Variants in DOCK1 observed in about 807,000 individuals in gnomAD.
The protein encoded by DOCK1 is dedicator of cytokinesis protein 1.
DOCK1 carries 138 observed loss-of-function variants against 262.7 expected under a neutral mutation model. The ratio of observed to expected loss-of-function variants is 0.53; its 90% CI spans 0.46 to 0.61. DOCK1 has a LOEUF of 0.61. DOCK1 is among the 20% of genes least tolerant of loss of function. DOCK1 has a pLI of 0.00. For missense variants in DOCK1, 1,908 were observed against 2,370.7 expected, an observed-to-expected ratio of 0.80 and a Z score of 4.05; for synonymous variants, 866 against 867.4, an observed-to-expected ratio of 1.00 and a Z score of 0.03.
intron 24 of DOCK1, 76 bp from the exon 25 acceptor site, chr10:127,110,172 T>TA: frequency 8.2e-7 from 1 of 1,212,530 alleles, no homozygotes; most frequent in Non-Finnish European, 1.2e-6. Flanking sequence ...TGATGACCTA[T>TA]ATCTCAGTAT....
chr10:127,277,678 G>A (rs1205867693), intron 29 of DOCK1, among the ~76,000 whole-genome samples: 5 of 152,254 alleles, frequency 3.3e-5, no homozygotes, highest in East Asian at 1.9e-4. Flanking sequence ...CAGGAGAATC[G>A]CTTGAACCTG....
At chr10:127,101,977 A>G (rs1432329476) in intron 23 of DOCK1, among the ~76,000 whole-genome samples, 4 of 152,162 alleles carry the variant, frequency 2.6e-5, no homozygotes, top group African/African-American at 9.7e-5. Flanking sequence ...GAAGCAGAAC[A>G]TTTGAAATCA....
chr10:127,023,854 C>A (rs182347066), intron 14 of DOCK1, among the ~76,000 whole-genome samples: 1 of 152,076 alleles, frequency 6.6e-6, no homozygotes, highest in East Asian at 1.9e-4. Context: ...ACCATTGTTA[C>A]GATTTGAGAG....
At chr10:126,947,292 T>A (rs896968988) in intron 1 of DOCK1, among the ~76,000 whole-genome samples, 1 of 145,482 alleles carries the variant, frequency 6.9e-6, no homozygotes, top group Non-Finnish European at 1.5e-5. Context: ...TGGTGGTGGT[T>A]GGTAGTATTA....
At chr10:127,341,291 G>A (rs979992540) in intron 30 of DOCK1, among the ~76,000 whole-genome samples, 4 of 152,148 alleles carry the variant, frequency 2.6e-5, no homozygotes, top group Non-Finnish European at 4.4e-5. Flanking sequence ...TTATCCTAGA[G>A]GCTTAATCCT....
At chr10:127,373,673 A>C in intron 33 of DOCK1, 108 bp from the exon 34 acceptor site, 1 of 982,478 alleles carries the variant, frequency 1.0e-6, no homozygotes, top group South Asian at 1.5e-5. Context: ...GGCAGAGGGT[A>C]GCCATCTATG....
In DOCK1 at chr10:127,438,898, C is replaced by T. The variant is rs2069877435; in HGVS notation, c.5061-129C>T. 9.8e-6 allele frequency: 9 copies of T among 916,308 alleles called. 1 individual carries two copies. In the South Asian group the frequency reaches 1.3e-4, roughly 13 times the overall value. 56.8% of individuals were successfully genotyped at this position (916,308 alleles called of 1,614,324 possible). ...CTGGTGACTGTGTATCTGAAGTCAC[C>T]CTTGGCCTCCCTTTTAAATCACTGC... On this transcript the variant is annotated intron_variant, in intron 48 of 51. Coordinates refer to ENST00000623213, the MANE Select transcript of DOCK1 (RefSeq NM_001290223.2).
At chr10:127,298,432 CT>C (rs1390962751) in intron 29 of DOCK1, among the ~76,000 whole-genome samples, 2 of 152,196 alleles carry the variant, frequency 1.3e-5, no homozygotes, top group Non-Finnish European at 2.9e-5. Flanking sequence ...TAAATTACTG[CT>C]CCTGGTTCAG....
At chr10:127,364,367 AT>A (rs536364998) in intron 33 of DOCK1, among the ~76,000 whole-genome samples, 2 of 150,382 alleles carry the variant, frequency 1.3e-5, no homozygotes, top group African/African-American at 4.9e-5. Context: ...CAGTTTTTTA[AT>A]TTTTTTTTTA....
intron 13 of DOCK1, among the ~76,000 whole-genome samples, chr10:127,020,702 T>C (rs1419529799): frequency 6.6e-6 from 1 of 152,208 alleles, no homozygotes; most frequent in Non-Finnish European, 1.5e-5. Flanking sequence ...GAAGTGATTC[T>C]AGCTTGGGTG....
intron 1 of DOCK1, among the ~76,000 whole-genome samples, chr10:126,911,680 A>G (rs4408241): frequency 0.25 from 37,643 of 152,014 alleles, 5,332 homozygotes; most frequent in East Asian, 0.52. Context: ...AACCTCTTCC[A>G]GCCTGGTTTC....
intron 27 of DOCK1, among the ~76,000 whole-genome samples, chr10:127,179,868 T>C (rs532610727): frequency 7.2e-5 from 11 of 152,338 alleles, no homozygotes; most frequent in Admixed American, 6.5e-4. Flanking sequence ...GCTAATCAAA[T>C]GTCACCATTC....
At position 127,265,384 on chromosome 10, in the gene DOCK1, T is replaced by TA. The variant is rs904484844; in HGVS notation, c.3044+7967dup. Among the ~76,000 whole-genome samples the TA allele has an allele frequency of 1.4e-3, 210 of 146,874 alleles. 1 individual carries two copies. Among genetic ancestry groups the TA allele is most frequent in the African/African-American group, 3.4e-3 (139 of 40,350 alleles). ...TTTCCAGTGTCTGTGTGTTACACAT[T>TA]AAAAAAAAAAAATCATGGCCATATG... On this transcript the variant is annotated intron_variant, in intron 29 of 51. Coordinates refer to ENST00000623213, the MANE Select transcript of DOCK1 (RefSeq NM_001290223.2).
At chr10:127,153,876 C>G in intron 27 of DOCK1, 2 of 1,612,810 alleles carry the variant, frequency 1.2e-6, no homozygotes, top group Non-Finnish European at 8.5e-7. Context: ...TGCACTGTTC[C>G]TGCATGTGTC....
At chr10:127,436,094 C>T (rs1005575882) in intron 48 of DOCK1, among the ~76,000 whole-genome samples, 19 of 152,176 alleles carry the variant, frequency 1.2e-4, no homozygotes, top group African/African-American at 4.3e-4. Flanking sequence ...AAATATTTCT[C>T]ACCTAATGGA....
Position 127,276,194 on chromosome 10 carries a change from C to T in DOCK1, c.3044+18765C>T, listed in dbSNP as rs2060735172. On this transcript the variant is annotated intron_variant, in intron 29 of 51. Transcript: ENST00000623213. Reference sequence around the variant, plus strand: ...TTGCTCCCACATGCTTGCGTCATGGCTGGGTGGCCACTGGAGAGGTTGGGT... The same window carrying T: ...TTGCTCCCACATGCTTGCGTCATGGTTGGGTGGCCACTGGAGAGGTTGGGT... Among the ~76,000 whole-genome samples, 3 of 152,190 alleles carry T rather than the reference C, an allele frequency of 2.0e-5. No individual in the cohort carries two copies. The South Asian group carries it at 6.2e-4, about 32-fold the overall frequency.
At chr10:127,450,694 T>C (rs1384275513) in intron 51 of DOCK1, among the ~76,000 whole-genome samples, 1 of 152,184 alleles carries the variant, frequency 6.6e-6, no homozygotes, top group Admixed American at 6.5e-5. Flanking sequence ...TATCTTCACA[T>C]TGGAAATTAA....
intron 2 of DOCK1, 68 bp downstream of exon 2, chr10:126,970,853 T>C: frequency 6.5e-7 from 1 of 1,543,954 alleles, no homozygotes; most frequent in Non-Finnish European, 8.8e-7. Context: ...CAGTGCCTGC[T>C]GGGCAAAGCA....
intron 30 of DOCK1, among the ~76,000 whole-genome samples, chr10:127,339,489 T>A (rs1367661105): frequency 6.6e-6 from 1 of 152,096 alleles, no homozygotes. Flanking sequence ...CTGTGTTCCC[T>A]CCATATCCTC....
Sources: allele counts gnomAD v4.1 joint callset (sites outside exome capture counted in the v4.1 genomes callset), GRCh38; gene constraint gnomAD v4.1.1; transcripts MANE v1.5; gene names NCBI Gene and HGNC (gene_info 2026-07-23, HGNC 2026-07-21).